Variants in EXOC6B observed in about 807,000 individuals in gnomAD.
EXOC6B encodes the protein exocyst complex component 6B, also known as SEC15 homolog B.
A neutral mutation model predicts 113.5 loss-of-function variants in EXOC6B; 54 were observed. The observed-to-expected ratio is 0.48, with a 90% CI of 0.38 to 0.60. The LOEUF is 0.60. EXOC6B is among the 20% of genes least tolerant of loss of function. EXOC6B has a pLI of 0.00. For synonymous variants in EXOC6B, 357 were observed against 339.0 expected, an observed-to-expected ratio of 1.05 and a Z score of -0.58; for missense variants, 797 against 977.5, an observed-to-expected ratio of 0.82 and a Z score of 2.46.
chr2:72,750,356 G>A (rs1223297557), intron 1 of EXOC6B, among the ~76,000 whole-genome samples: 1 of 152,026 alleles, frequency 6.6e-6, no homozygotes, highest in African/African-American at 2.4e-5. Flanking sequence ...GATACACTGT[G>A]AAAAACATTT....
chr2:72,696,821 A>T (rs1407461040), intron 6 of EXOC6B, among the ~76,000 whole-genome samples: 1 of 152,170 alleles, frequency 6.6e-6, no homozygotes, highest in Non-Finnish European at 1.5e-5. Context: ...TATCATAAAA[A>T]AATGATAAGT....
intron 16 of EXOC6B, among the ~76,000 whole-genome samples, chr2:72,490,720 G>A (rs1488473445): frequency 2.6e-5 from 4 of 152,008 alleles, no homozygotes; most frequent in Admixed American, 2.0e-4. Context: ...AAAATTACAC[G>A]GTTCTTCCTT....
intron 18 of EXOC6B, chr2:72,461,949 G>A (rs1031247032): frequency 1.3e-5 from 2 of 151,908 alleles, no homozygotes; most frequent in African/African-American, 4.8e-5. Flanking sequence ...TTATGTTCAT[G>A]TTATCATTTT....
At chr2:72,592,896 C>G (rs1446893) in intron 6 of EXOC6B, among the ~76,000 whole-genome samples, 140,633 of 152,212 alleles carry the variant, frequency 0.92, 65,055 homozygotes, top group East Asian at 0.99. Flanking sequence ...CATGACTCTT[C>G]GCAGATAGGG....
intron 6 of EXOC6B, among the ~76,000 whole-genome samples, chr2:72,666,824 A>ACACACACACAC (rs376270262): frequency 1.8e-4 from 24 of 135,330 alleles, no homozygotes; most frequent in South Asian, 6.9e-4. Context: ...CACACACACA[A>ACACACACACAC]AGAAATGCCT....
chr2:72,472,577 T>C (rs1416150254), intron 17 of EXOC6B, among the ~76,000 whole-genome samples: 1 of 152,148 alleles, frequency 6.6e-6, no homozygotes, highest in African/African-American at 2.4e-5. Flanking sequence ...TAATTTTATT[T>C]GAGTCTTCAC....
intron 1 of EXOC6B, among the ~76,000 whole-genome samples, chr2:72,784,408 C>G (rs1684253607): frequency 6.6e-6 from 1 of 152,052 alleles, no homozygotes; most frequent in Admixed American, 6.6e-5. Context: ...ATAAGGATTG[C>G]ATTGAATCTG....
intron 1 of EXOC6B, among the ~76,000 whole-genome samples, chr2:72,775,997 G>A (rs990612041): frequency 2.0e-5 from 3 of 152,136 alleles, no homozygotes; most frequent in Non-Finnish European, 4.4e-5. Context: ...AGATGTTACT[G>A]AGGGGAATTA....
chr2:72,273,956 A>T lies in EXOC6B; in HGVS notation c.2196+60991T>A, dbSNP rs149200169. Among the ~76,000 whole-genome samples the T allele has an allele frequency of 3.9e-3, 591 of 152,304 alleles. 6 individuals are homozygous for T. The highest frequency in any genetic ancestry group is 0.02 in the Admixed American group (300 of 15,272). Reference sequence around the variant, plus strand: ...GATACATGCTGATGTTAATGTGGATATCTATGTAAGTTTTATAATATATCT... The same window carrying T: ...GATACATGCTGATGTTAATGTGGATTTCTATGTAAGTTTTATAATATATCT... On this transcript the variant is annotated intron_variant, in intron 20 of 21. Transcript: ENST00000272427.
intron 17 of EXOC6B, among the ~76,000 whole-genome samples, chr2:72,469,315 A>T (rs1296697358): frequency 2.0e-5 from 3 of 151,762 alleles, no homozygotes; most frequent in African/African-American, 7.3e-5. Context: ...TCTAATTTTC[A>T]TTATTGGTAT....
chr2:72,299,282 T>C (rs1203440816), intron 20 of EXOC6B, among the ~76,000 whole-genome samples: 1 of 151,778 alleles, frequency 6.6e-6, no homozygotes, highest in Non-Finnish European at 1.5e-5. Flanking sequence ...AATTCGGCTA[T>C]TGATACTTGT....
chr2:72,721,963 C>T (rs1431232541), intron 5 of EXOC6B: 1 of 146,700 alleles, frequency 6.8e-6, no homozygotes, highest in Non-Finnish European at 1.5e-5. Context: ...CTTCATGCAT[C>T]AACCTGGCAT....
intron 19 of EXOC6B, among the ~76,000 whole-genome samples, chr2:72,350,433 G>A (rs1270545340): frequency 6.6e-6 from 1 of 152,058 alleles, no homozygotes; most frequent in Non-Finnish European, 1.5e-5. Flanking sequence ...TATTAACATA[G>A]ATAACAGTCT....
intron 8 of EXOC6B, among the ~76,000 whole-genome samples, chr2:72,525,538 T>A (rs1248929776): frequency 1.3e-5 from 2 of 151,920 alleles, no homozygotes; most frequent in Non-Finnish European, 2.9e-5. Context: ...GAAGGTTAAT[T>A]CATTAGAAAA....
At chr2:72,821,786 A>T (rs1283396449) in intron 1 of EXOC6B, among the ~76,000 whole-genome samples, 1 of 152,140 alleles carries the variant, frequency 6.6e-6, no homozygotes, top group African/African-American at 2.4e-5. Flanking sequence ...GTGATTGCCT[A>T]GGGAGAGAGA....
intron 1 of EXOC6B, among the ~76,000 whole-genome samples, chr2:72,749,850 A>C (rs968969034): frequency 2.6e-5 from 4 of 151,952 alleles, no homozygotes; most frequent in African/African-American, 9.7e-5. Context: ...TGATCCACTT[A>C]TGCATGTAGA....
At chr2:72,319,485 C>G (rs544424337) in intron 20 of EXOC6B, among the ~76,000 whole-genome samples, 9 of 152,262 alleles carry the variant, frequency 5.9e-5, no homozygotes, top group African/African-American at 1.9e-4. Context: ...AATTGTCCAC[C>G]TATAAACTCC....
At chr2:72,608,650 G>A (rs1670888707) in intron 6 of EXOC6B, among the ~76,000 whole-genome samples, 1 of 151,984 alleles carries the variant, frequency 6.6e-6, no homozygotes, top group Non-Finnish European at 1.5e-5. Context: ...CGTCAAAGCT[G>A]AAAGAAATTT....
At chr2:72,771,011 C>G (rs1683377583) in intron 1 of EXOC6B, among the ~76,000 whole-genome samples, 1 of 152,126 alleles carries the variant, frequency 6.6e-6, no homozygotes. Context: ...CTCTTCATTT[C>G]CAACTTACTA....
Sources: allele counts gnomAD v4.1 joint callset (sites outside exome capture counted in the v4.1 genomes callset), GRCh38; gene constraint gnomAD v4.1.1; transcripts MANE v1.5; gene names NCBI Gene and HGNC (gene_info 2026-07-23, HGNC 2026-07-21).